Variants in PHACTR3 observed in about 807,000 individuals in gnomAD.
PHACTR3 encodes phosphatase and actin regulator 3, also known as protein phosphatase 1, regulatory subunit 123.
In PHACTR3, 16 loss-of-function variants were observed where a neutral mutation model predicts 66.8. That is an observed-to-expected ratio of 0.24 (90% CI 0.16 to 0.36). PHACTR3 has a LOEUF of 0.36. PHACTR3 is among the 10% of genes least tolerant of loss of function. The pLI, the probability that PHACTR3 is intolerant of heterozygous loss-of-function variation, is 1.00. For missense variants in PHACTR3, 647 were observed against 719.9 expected, an observed-to-expected ratio of 0.90 and a Z score of 1.16; for synonymous variants, 323 against 292.1, an observed-to-expected ratio of 1.11 and a Z score of -1.08.
At chr20:59,796,819 A>G (rs1416253057) in intron 7 of PHACTR3, among the ~76,000 whole-genome samples, 1 of 152,172 alleles carries the variant, frequency 6.6e-6, no homozygotes, top group Non-Finnish European at 1.5e-5. Context: ...ATTATGATGT[A>G]TCTGAGAGAG....
intron 1 of PHACTR3, among the ~76,000 whole-genome samples, chr20:59,657,124 G>T (rs187881248): frequency 7.2e-5 from 11 of 151,950 alleles, no homozygotes; most frequent in Non-Finnish European, 1.3e-4. Context: ...CTCTTCATTT[G>T]TTCTTGTGGA....
chr20:59,593,563 G>A (rs1213264604), intron 1 of PHACTR3, among the ~76,000 whole-genome samples: 1 of 151,546 alleles, frequency 6.6e-6, no homozygotes, highest in East Asian at 1.9e-4. Flanking sequence ...CATCTAAAAT[G>A]TCCTCACAAA....
chr20:59,611,114 A>C lies in PHACTR3; in HGVS notation c.118+5982A>C, dbSNP rs190833682. ...TGTCCAAGTCCTGGCTCAGCCATGG[A>C]TAAGCTGTGTGACTTTGGGCAAGTC... On this transcript the variant is annotated intron_variant, in intron 1 of 12. Transcript: ENST00000371015. 7.2e-5 allele frequency among the ~76,000 whole-genome samples: 11 copies of C among 152,372 alleles called. 1 individual carries two copies. In the East Asian group the frequency reaches 2.1e-3, roughly 29 times the overall value.
At chr20:59,756,005 T>C (rs1006511491) in intron 4 of PHACTR3, among the ~76,000 whole-genome samples, 1 of 152,274 alleles carries the variant, frequency 6.6e-6, no homozygotes, top group South Asian at 2.1e-4. Context: ...TGGGAGGAAC[T>C]TAGCAGTGTC....
intron 11 of PHACTR3, among the ~76,000 whole-genome samples, chr20:59,841,765 T>A (rs1356893691): frequency 1.3e-5 from 2 of 152,134 alleles, no homozygotes; most frequent in East Asian, 3.9e-4. Flanking sequence ...ACATTTTTGA[T>A]TGTCACAACT....
At position 59,638,939 on chromosome 20, in the gene PHACTR3, G is replaced by A. The variant is rs557425145; in HGVS notation, c.118+33807G>A. 2.0e-5 allele frequency among the ~76,000 whole-genome samples: 3 copies of A among 147,520 alleles called. No individual in the cohort carries two copies. In the East Asian group the frequency reaches 6.3e-4, roughly 31 times the overall value. ...GATAGATGGATAGGAGGATGGATTG[G>A]AGAATGGGTGGATGGGTGGGTGAAT... On this transcript the variant is annotated intron_variant, in intron 1 of 12. Coordinates refer to ENST00000371015, the MANE Select transcript of PHACTR3 (RefSeq NM_080672.5).
At chr20:59,834,379 C>G (rs1233200988) in intron 8 of PHACTR3, among the ~76,000 whole-genome samples, 1 of 152,202 alleles carries the variant, frequency 6.6e-6, no homozygotes, top group African/African-American at 2.4e-5. Flanking sequence ...GGTTCTCTTA[C>G]CATTCCCTGT....
At chr20:59,670,611 G>A (rs991153049) in intron 1 of PHACTR3, among the ~76,000 whole-genome samples, 2 of 136,746 alleles carry the variant, frequency 1.5e-5, no homozygotes, top group Middle Eastern at 3.7e-3. Context: ...GGGGTGGGGG[G>A]GGGGGGCAGG....
intron 3 of PHACTR3, among the ~76,000 whole-genome samples, chr20:59,750,795 T>C (rs961342082): frequency 3.3e-5 from 5 of 152,222 alleles, no homozygotes; most frequent in Non-Finnish European, 7.3e-5. Flanking sequence ...TCTTCTGTGC[T>C]GCTTGAATCC....
intron 1 of PHACTR3, among the ~76,000 whole-genome samples, chr20:59,638,313 ATC>A (rs1491350124): frequency 3.9e-5 from 6 of 152,144 alleles, no homozygotes; most frequent in African/African-American, 1.4e-4. Context: ...TCCATCCCTT[ATC>A]TATGCCTTAT....
chr20:59,627,145 A>G (rs540505050), intron 1 of PHACTR3, among the ~76,000 whole-genome samples: 25 of 152,282 alleles, frequency 1.6e-4, no homozygotes, highest in African/African-American at 5.3e-4. Context: ...ATGGGAGTAA[A>G]CATCCCAGGC....
chr20:59,798,226 T>TA (rs57559088), intron 7 of PHACTR3, among the ~76,000 whole-genome samples: 15,310 of 152,172 alleles, frequency 0.1, 1,886 homozygotes, highest in African/African-American at 0.29. Context: ...AAGCCCTTTT[T>TA]TAAGGGCCTT....
intron 1 of PHACTR3, among the ~76,000 whole-genome samples, chr20:59,685,836 C>G (rs929578206): frequency 1.3e-5 from 2 of 152,210 alleles, no homozygotes; most frequent in African/African-American, 4.8e-5. Context: ...CTGATTGTAT[C>G]TGCCAGTGGG....
At chr20:59,612,498 C>T (rs557107862) in intron 1 of PHACTR3, among the ~76,000 whole-genome samples, 1 of 152,240 alleles carries the variant, frequency 6.6e-6, no homozygotes, top group South Asian at 2.1e-4. Context: ...AATTCTCCTG[C>T]CTCAGCCTCC....
rs750307467 is a variant in PHACTR3, at chr20:59,745,835, C to T, written c.281-1923C>T. On this transcript the variant is annotated intron_variant, in intron 2 of 12. Coordinates refer to ENST00000371015, the MANE Select transcript of PHACTR3 (RefSeq NM_080672.5). ...ACAAGCTGCACCACCACTGACGTCCCCATCCCCGAGAGGGGGAGGGTAGAG... is the reference window on the plus strand; with the variant it reads ...ACAAGCTGCACCACCACTGACGTCCTCATCCCCGAGAGGGGGAGGGTAGAG... Among the ~76,000 whole-genome samples, 141 of 152,346 alleles carry T rather than the reference C, an allele frequency of 9.3e-4. 1 individual carries two copies. Among genetic ancestry groups the T allele is most frequent in the Non-Finnish European group, 1.3e-3 (86 of 68,040 alleles).
rs115034965 is a variant in PHACTR3 at position 59,692,263 on chromosome 20, G to A, written c.119-50844G>A. Among the ~76,000 whole-genome samples the A allele has an allele frequency of 3.3e-5, 5 of 152,184 alleles. No homozygotes were observed. In the South Asian group the frequency reaches 1.0e-3, roughly 32 times the overall value. ...AGCCCTACAAGCCTGTACCCAACGG[G>A]GCCACTGGCCTAGAATGGTAATAAA... On this transcript the variant is annotated intron_variant, in intron 1 of 12. Coordinates refer to ENST00000371015, the MANE Select transcript of PHACTR3 (RefSeq NM_080672.5).
chr20:59,620,127 G>A (rs2034179885), intron 1 of PHACTR3, among the ~76,000 whole-genome samples: 1 of 152,118 alleles, frequency 6.6e-6, no homozygotes, highest in South Asian at 2.1e-4. Flanking sequence ...TCTCAAGCTG[G>A]CCCCATAGCC....
intron 1 of PHACTR3, among the ~76,000 whole-genome samples, chr20:59,687,163 G>T (rs1316114303): frequency 6.6e-6 from 1 of 150,646 alleles, no homozygotes; most frequent in Non-Finnish European, 1.5e-5. Context: ...GATGGTGATT[G>T]TGATGGTGGT....
intron 7 of PHACTR3, among the ~76,000 whole-genome samples, chr20:59,798,669 C>A (rs1393679364): frequency 1.3e-5 from 2 of 151,982 alleles, no homozygotes; most frequent in Non-Finnish European, 2.9e-5. Flanking sequence ...TTTTTTATAT[C>A]TTCTTAACAT....
Sources: gnomAD v4.1 joint callset for allele counts (sites outside exome capture counted in the v4.1 genomes callset) on GRCh38, gnomAD v4.1.1 for gene constraint, MANE v1.5 for transcripts, NCBI Gene and HGNC (gene_info 2026-07-23, HGNC 2026-07-21) for gene names.